FXYD6: variants seen among roughly 807,000 people sequenced by gnomAD.
The protein encoded by FXYD6 is FXYD domain-containing ion transport regulator 6.
A neutral mutation model predicts 16.7 loss-of-function variants in FXYD6; 7 were observed. That is an observed-to-expected ratio of 0.42 (90% CI 0.24 to 0.79). The LOEUF is 0.79. Among genes scored for constraint, FXYD6 ranks in the 30% least tolerant of loss-of-function variants. The probability of loss-of-function intolerance (pLI) is 0.28; values close to 1 mark genes in which losing one functional copy is unlikely to be tolerated. For synonymous variants in FXYD6, 49 were observed against 43.0 expected, an observed-to-expected ratio of 1.14 and a Z score of -0.54; for missense variants, 111 against 116.2, an observed-to-expected ratio of 0.95 and a Z score of 0.21.
At chr11:117,873,379 C>G (rs533363896) in intron 1 of FXYD6, among the ~76,000 whole-genome samples, 1 of 152,216 alleles carries the variant, frequency 6.6e-6, no homozygotes, top group Non-Finnish European at 1.5e-5. Flanking sequence ...TTGACAGATG[C>G]GGAAACAAAG....
rs550568632 is a variant in FXYD6, at chr11:117,872,031, C to T, written c.-6+4561G>A. On this transcript the variant is annotated intron_variant, in intron 1 of 7. Coordinates refer to ENST00000526014, the MANE Select transcript of FXYD6 (RefSeq NM_022003.4). This position sits in a 1 kb window ranked among gnomAD's most constrained non-coding sequence, Gnocchi z 4.9. ...GAGCCTGGAGTGCCTACACCATGTA[C>T]CTGTGCTTATTAATAGGCACTGGTG... Among the ~76,000 whole-genome samples, 1 of 152,142 alleles carries T rather than the reference C, an allele frequency of 6.6e-6. No homozygotes were observed. Among genetic ancestry groups the T allele is most frequent in the Non-Finnish European group, 1.5e-5 (1 of 68,028 alleles).
intron 1 of FXYD6, among the ~76,000 whole-genome samples, chr11:117,862,559 ATC>A (rs2056931295): frequency 6.6e-6 from 1 of 152,172 alleles, no homozygotes; most frequent in Non-Finnish European, 1.5e-5. Flanking sequence ...AGCTGCGGCT[ATC>A]CCAGACCGAG....
chr11:117,872,494 A>G lies in FXYD6; in HGVS notation c.-6+4098T>C, dbSNP rs2057160391. On this transcript the variant is annotated intron_variant, in intron 1 of 7. Coordinates refer to ENST00000526014, the MANE Select transcript of FXYD6 (RefSeq NM_022003.4). This position sits in a 1 kb window ranked among gnomAD's most constrained non-coding sequence, Gnocchi z 4.9. ...TGCCTGACATATGAGGGGAACATTT[A>G]TTAAAAGGATGAACGAGGGAGTTTG... Among the ~76,000 whole-genome samples, 1 of 152,216 alleles carries G rather than the reference A, an allele frequency of 6.6e-6. No homozygotes were observed. The highest frequency in any genetic ancestry group is 2.4e-5 in the African/African-American group (1 of 41,456).
intron 1 of FXYD6, among the ~76,000 whole-genome samples, chr11:117,859,838 G>A (rs1467182151): frequency 1.8e-4 from 27 of 152,108 alleles, no homozygotes; most frequent in Admixed American, 1.7e-3. Flanking sequence ...TTTTTAGTCC[G>A]GAGCTTCCCT....
chr11:117,867,012 C>A (rs1237907212), intron 1 of FXYD6, among the ~76,000 whole-genome samples: 1 of 152,180 alleles, frequency 6.6e-6, no homozygotes, highest in Non-Finnish European at 1.5e-5. Flanking sequence ...GGCATCACTA[C>A]AAGAGAAATA....
upstream of FXYD6, chr11:117,877,326 C>T (rs1456129671): frequency 1.3e-5 from 2 of 152,262 alleles, no homozygotes; most frequent in African/African-American, 4.8e-5. Flanking sequence ...TGCCTTGAAC[C>T]CCCTTTTCAA....
chr11:117,869,041 G>A (rs992976752), intron 1 of FXYD6: 3 of 152,192 alleles, frequency 2.0e-5, no homozygotes, highest in African/African-American at 4.8e-5. Context: ...AGATCCATCA[G>A]TGGAAAATGC....
chr11:117,852,027 C>T (rs3885041), intron 1 of FXYD6, among the ~76,000 whole-genome samples: 32,129 of 152,196 alleles, frequency 0.21, 4,456 homozygotes, highest in Admixed American at 0.36. Context: ...AGACAGGCTA[C>T]GGAGAGAAGC....
At chr11:117,856,359 T>C (rs572159289) in intron 1 of FXYD6, among the ~76,000 whole-genome samples, 8 of 152,234 alleles carry the variant, frequency 5.3e-5, no homozygotes, top group African/African-American at 1.7e-4. Flanking sequence ...CAAATTACAG[T>C]GAAACTTCAT....
At chr11:117,857,057 C>T (rs1161895921) in intron 1 of FXYD6, among the ~76,000 whole-genome samples, 1 of 152,160 alleles carries the variant, frequency 6.6e-6, no homozygotes, top group Non-Finnish European at 1.5e-5. Flanking sequence ...GAGGGCGAGG[C>T]CCTGCAGGAA....
intron 1 of FXYD6, among the ~76,000 whole-genome samples, chr11:117,862,770 C>T (rs1209753280): frequency 6.6e-6 from 1 of 152,178 alleles, no homozygotes; most frequent in Admixed American, 6.5e-5. Flanking sequence ...CCTAAGATGG[C>T]CCTGTTCCTC....
intron 1 of FXYD6, among the ~76,000 whole-genome samples, chr11:117,857,201 T>C (rs2056750700): frequency 6.6e-6 from 1 of 152,120 alleles, no homozygotes. Context: ...ATGGGTCTTC[T>C]GGAGGCATGG....
intron 1 of FXYD6, among the ~76,000 whole-genome samples, chr11:117,853,104 C>T (rs1249775053): frequency 6.6e-6 from 1 of 152,074 alleles, no homozygotes; most frequent in East Asian, 1.9e-4. Context: ...CTCTTAAATC[C>T]TTGGGGGTCA....
At chr11:117,851,781 G>C (rs1259838772) in intron 1 of FXYD6, among the ~76,000 whole-genome samples, 1 of 152,210 alleles carries the variant, frequency 6.6e-6, no homozygotes, top group Non-Finnish European at 1.5e-5. Context: ...TATGGCAAGA[G>C]ACCCTACGGC....
At chr11:117,874,312 TC>T (rs1021878734) in intron 1 of FXYD6, among the ~76,000 whole-genome samples, 61 of 152,018 alleles carry the variant, frequency 4.0e-4, no homozygotes, top group Admixed American at 5.2e-4. Context: ...AGGAAACGCT[TC>T]CCCCAGGCGC....
chr11:117,857,451 CCAGGCTGGAGTG>C (rs1236998831), intron 1 of FXYD6, among the ~76,000 whole-genome samples: 1 of 148,848 alleles, frequency 6.7e-6, no homozygotes, highest in Non-Finnish European at 1.5e-5. Flanking sequence ...GCTCTGTAGC[CCAGGCTGGAGTG>C]CAGTGGCGCA....
At chr11:117,875,228 T>C (rs2057230757) in intron 1 of FXYD6, among the ~76,000 whole-genome samples, 2 of 152,004 alleles carry the variant, frequency 1.3e-5, no homozygotes, top group South Asian at 4.1e-4. Flanking sequence ...ATGATGTATA[T>C]GTATGTGTGG....
chr11:117,840,085 A>C (rs1343664239), intron 6 of FXYD6: 6 of 642,446 alleles, frequency 9.3e-6, no homozygotes, highest in African/African-American at 5.5e-5. Context: ...CCATTAAATG[A>C]TATGGGGTCT....
At chr11:117,855,960 G>C (rs1458100694) in intron 1 of FXYD6, among the ~76,000 whole-genome samples, 1 of 152,160 alleles carries the variant, frequency 6.6e-6, no homozygotes, top group African/African-American at 2.4e-5. Context: ...CTCCTCTAGG[G>C]TGTATTATGA....
Sources: gnomAD v4.1 joint callset for allele counts (sites outside exome capture counted in the v4.1 genomes callset) on GRCh38, gnomAD v4.1.1 for gene constraint, Gnocchi (gnomAD v3.1) non-coding constraint, MANE v1.5 for transcripts, NCBI Gene and HGNC (gene_info 2026-07-23, HGNC 2026-07-21) for gene names.